The following KCNH1 variants were observed in gnomAD, a reference collection of about 807,000 sequenced individuals.
KCNH1 encodes voltage-gated delayed rectifier potassium channel KCNH1.
In KCNH1, 27 loss-of-function variants were observed where a neutral mutation model predicts 69.2. That is an observed-to-expected ratio of 0.39 (90% CI 0.29 to 0.54). The LOEUF (loss-of-function observed/expected upper bound fraction) is 0.54, where lower values mean the gene tolerates loss of function less well. Among genes scored for constraint, KCNH1 ranks in the 20% least tolerant of loss-of-function variants. The pLI is 0.68. For missense variants in KCNH1, 798 were observed against 1,261.6 expected (o/e 0.63, Z 5.57); for synonymous variants, 456 against 487.7 (o/e 0.93, Z 0.86).
intron 7 of KCNH1, among the ~76,000 whole-genome samples, chr1:210,873,336 T>C (rs1359638973): frequency 2.0e-5 from 3 of 152,258 alleles, no homozygotes; most frequent in East Asian, 3.9e-4. Flanking sequence ...AAAAAATTTT[T>C]ATATTTCTAA....
intron 7 of KCNH1, among the ~76,000 whole-genome samples, chr1:210,815,474 C>T (rs1245224879): frequency 6.6e-6 from 1 of 152,164 alleles, no homozygotes; most frequent in Non-Finnish European, 1.5e-5. Flanking sequence ...CTCTGAATTT[C>T]CTGCCAGCGG....
intron 9 of KCNH1, among the ~76,000 whole-genome samples, chr1:210,781,015 C>A (rs1170691321): frequency 1.3e-5 from 2 of 152,170 alleles, no homozygotes; most frequent in Non-Finnish European, 2.9e-5. Flanking sequence ...CCACTGCACT[C>A]CAGCCTGGAT....
In KCNH1 at chr1:210,813,175, A is replaced by G. The variant is rs79691146; in HGVS notation, c.1463-9009T>C. ...TGACAGTTGACACACATTGGACAGC[A>G]TGTCATGAAGACAGTAACCTAGAAC... On this transcript the variant is annotated intron_variant, in intron 7 of 10. Transcript: ENST00000271751. 6.9e-3 allele frequency among the ~76,000 whole-genome samples: 1,046 copies of G among 152,334 alleles called. 5 individuals carry two copies. The highest frequency in any genetic ancestry group is 0.017 in the Middle Eastern group (5 of 294).
chr1:210,749,865 C>T (rs911771038), intron 10 of KCNH1, among the ~76,000 whole-genome samples: 1 of 151,914 alleles, frequency 6.6e-6, no homozygotes, highest in East Asian at 1.9e-4. Flanking sequence ...GCCTCAGCCT[C>T]CCGAGTAGCT....
intron 7 of KCNH1, among the ~76,000 whole-genome samples, chr1:210,891,808 C>T (rs895247362): frequency 7.2e-5 from 11 of 152,104 alleles, no homozygotes; most frequent in African/African-American, 2.7e-4. Flanking sequence ...GACTTGGAAC[C>T]AACCCAAATG....
chr1:210,983,253 G>A (rs1487273125), intron 6 of KCNH1, among the ~76,000 whole-genome samples: 5 of 152,182 alleles, frequency 3.3e-5, no homozygotes, highest in African/African-American at 9.7e-5. Context: ...TTCTTTTGCT[G>A]TGCAGAAGCT....
intron 7 of KCNH1, among the ~76,000 whole-genome samples, chr1:210,888,950 T>C (rs1299771065): frequency 6.6e-6 from 1 of 152,082 alleles, no homozygotes. Context: ...ACCAGACAGA[T>C]TCAAAGCTGA....
At chr1:210,804,781 T>C (rs1684499864) in intron 7 of KCNH1, among the ~76,000 whole-genome samples, 2 of 152,168 alleles carry the variant, frequency 1.3e-5, no homozygotes, top group Admixed American at 1.3e-4. Flanking sequence ...CAGTGAAGGA[T>C]GTTATATCCT....
intron 10 of KCNH1, among the ~76,000 whole-genome samples, chr1:210,712,181 A>G (rs1410636703): frequency 6.6e-6 from 1 of 152,272 alleles, no homozygotes; most frequent in East Asian, 1.9e-4. Flanking sequence ...GTACATCTCC[A>G]GAATCCATAA....
chr1:210,690,144 A>G (rs955907282), intron 10 of KCNH1, among the ~76,000 whole-genome samples: 16 of 152,198 alleles, frequency 1.1e-4, no homozygotes, highest in African/African-American at 3.6e-4. Flanking sequence ...CTGAAGGATG[A>G]CTAAGAGGAA....
In KCNH1 at chr1:210,734,251, T is replaced by G. The variant is rs1212143714; in HGVS notation, c.2112+41097A>C. ...CATGAAAGGATTTCCTACTGAACCC[T>G]GTTGAACAGGACTCCCCATTTCCCT... On this transcript the variant is annotated intron_variant, in intron 10 of 10. Transcript: ENST00000271751. 2.0e-5 allele frequency among the ~76,000 whole-genome samples: 3 copies of G among 152,206 alleles called. No homozygotes were observed. In the East Asian group the frequency reaches 5.8e-4, roughly 29 times the overall value.
intron 9 of KCNH1, among the ~76,000 whole-genome samples, chr1:210,791,613 A>G (rs1684214302): frequency 6.6e-6 from 1 of 151,996 alleles, no homozygotes; most frequent in Non-Finnish European, 1.5e-5. Context: ...TTCAACTTCT[A>G]CCTCCTCCAT....
intron 3 of KCNH1, among the ~76,000 whole-genome samples, chr1:211,091,081 G>A (rs1271104954): frequency 2.0e-5 from 3 of 152,334 alleles, no homozygotes; most frequent in East Asian, 1.9e-4. Flanking sequence ...ATGGCCAGCA[G>A]TCCATGCCAA....
At chr1:211,033,155 GA>G (rs1440882818) in intron 5 of KCNH1, among the ~76,000 whole-genome samples, 1 of 152,182 alleles carries the variant, frequency 6.6e-6, no homozygotes. Flanking sequence ...AAAGACACAT[GA>G]AAAAATGCTC....
chr1:210,728,747 G>C (rs1682671135), intron 10 of KCNH1, among the ~76,000 whole-genome samples: 1 of 152,224 alleles, frequency 6.6e-6, no homozygotes, highest in Non-Finnish European at 1.5e-5. Context: ...AAGCAGGCTT[G>C]AATAGACAGC....
At chr1:211,064,257 G>T (rs1180354453) in intron 5 of KCNH1, among the ~76,000 whole-genome samples, 1 of 152,060 alleles carries the variant, frequency 6.6e-6, no homozygotes, top group African/African-American at 2.4e-5. Flanking sequence ...TTGATGAGTG[G>T]GTTAAAAAAA....
chr1:210,881,130 G>C (rs1220507225), intron 7 of KCNH1, among the ~76,000 whole-genome samples: 2 of 151,672 alleles, frequency 1.3e-5, no homozygotes, highest in Non-Finnish European at 1.5e-5. Flanking sequence ...CGATTCTCGT[G>C]CCTCAGCTTC....
intron 6 of KCNH1, among the ~76,000 whole-genome samples, chr1:210,927,512 G>A (rs1283171289): frequency 2.0e-5 from 3 of 152,120 alleles, no homozygotes; most frequent in African/African-American, 7.2e-5. Flanking sequence ...AACAAATGCT[G>A]AGAGAATTCA....
In KCNH1 at chr1:211,002,687, C is replaced by T. The variant is rs190112505; in HGVS notation, c.1032+16096G>A. On this transcript the variant is annotated intron_variant, in intron 6 of 10. Coordinates refer to ENST00000271751, the MANE Select transcript of KCNH1 (RefSeq NM_172362.3). ...AACACAATAACCAAAATTAAGAATGCACTGGATGAGTTTAGAAGTAATTAG... is the reference window on the plus strand; with the variant it reads ...AACACAATAACCAAAATTAAGAATGTACTGGATGAGTTTAGAAGTAATTAG... 9.9e-5 allele frequency among the ~76,000 whole-genome samples: 15 copies of T among 152,154 alleles called. No homozygotes were observed. In the East Asian group the frequency reaches 2.9e-3, roughly 29 times the overall value.
Sources: allele counts gnomAD v4.1 joint callset (sites outside exome capture counted in the v4.1 genomes callset), GRCh38; gene constraint gnomAD v4.1.1; transcripts MANE v1.5; gene names NCBI Gene and HGNC (gene_info 2026-07-23, HGNC 2026-07-21).